ALG9: variants seen among roughly 807,000 people sequenced by gnomAD.
The protein encoded by ALG9 is ALG9 alpha-1,2-mannosyltransferase, also known as alpha-1,2-mannosyltransferase ALG9.
Under a neutral mutation model 81.8 loss-of-function variants are expected in ALG9, and 55 were observed. The ratio of observed to expected loss-of-function variants is 0.67; its 90% CI spans 0.54 to 0.84. The LOEUF (loss-of-function observed/expected upper bound fraction) is 0.84. ALG9 is among the 40% of genes least tolerant of loss of function. The pLI is 0.00. For synonymous variants in ALG9, 278 were observed against 274.3 expected (o/e 1.01, Z -0.13); for missense variants, 629 against 745.0 (o/e 0.84, Z 1.81).
chr11:111,791,193 G>T (rs1355186294), intron 14 of ALG9, among the ~76,000 whole-genome samples: 1 of 152,168 alleles, frequency 6.6e-6, no homozygotes, highest in Non-Finnish European at 1.5e-5. Flanking sequence ...TTGTGTGCTG[G>T]CTCTGAAGAT....
chr11:111,789,330 C>A (rs1947011062), intron 14 of ALG9, among the ~76,000 whole-genome samples: 1 of 151,884 alleles, frequency 6.6e-6, no homozygotes, highest in Non-Finnish European at 1.5e-5. Flanking sequence ...TAGTTCACTG[C>A]AGCCTTCACC....
At chr11:111,772,692 C>G in the ALG9 span, among the ~76,000 whole-genome samples, 1 of 152,180 alleles carries the variant, frequency 6.6e-6, no homozygotes. Flanking sequence ...CACTCAAATA[C>G]TATCCATTAA....
intron 9 of ALG9, among the ~76,000 whole-genome samples, 163 bp downstream of exon 9, chr11:111,844,438 G>C (rs1386748821): frequency 2.0e-5 from 3 of 152,186 alleles, no homozygotes; most frequent in African/African-American, 7.2e-5. Flanking sequence ...ATCTTCACAA[G>C]GGTTCAATGG....
At chr11:111,816,226 AAT>A (rs1232831309) in intron 13 of ALG9, among the ~76,000 whole-genome samples, 26 of 152,260 alleles carry the variant, frequency 1.7e-4, no homozygotes, top group Non-Finnish European at 2.9e-4. Context: ...GCAAAAAAGG[AAT>A]CTTCTAGGCA....
chr11:111,817,408 G>C (rs1555098596), intron 13 of ALG9: 1 of 152,206 alleles, frequency 6.6e-6, no homozygotes, highest in East Asian at 1.9e-4. Context: ...ACCCGGGCTG[G>C]AGTGTAGTAG....
intron 4 of ALG9, among the ~76,000 whole-genome samples, chr11:111,863,697 G>A (rs1275252850): frequency 6.6e-6 from 1 of 152,188 alleles, no homozygotes; most frequent in Non-Finnish European, 1.5e-5. Flanking sequence ...ACACTTAAAT[G>A]CTTAATAGTC....
chr11:111,796,941 C>T (rs782618320), intron 14 of ALG9, among the ~76,000 whole-genome samples: 3 of 152,172 alleles, frequency 2.0e-5, no homozygotes, highest in African/African-American at 4.8e-5. Context: ...ATTCTGCCAT[C>T]GGGTGGAGTC....
intron 6 of ALG9, 102 bp downstream of exon 6, chr11:111,857,500 T>A: frequency 6.7e-7 from 1 of 1,499,064 alleles, no homozygotes; most frequent in Non-Finnish European, 9.2e-7. Context: ...GAAAGCCCAA[T>A]TGATTAACTT....
intron 6 of ALG9, among the ~76,000 whole-genome samples, chr11:111,856,009 T>C (rs1958606046): frequency 6.6e-6 from 1 of 152,152 alleles, no homozygotes; most frequent in South Asian, 2.1e-4. Context: ...CCGGACACGA[T>C]GGCTCACACC....
At chr11:111,793,633 T>C (rs559404662) in intron 14 of ALG9, among the ~76,000 whole-genome samples, 232 of 151,790 alleles carry the variant, frequency 1.5e-3, no homozygotes, top group Non-Finnish European at 2.4e-3. Flanking sequence ...TGGTGGCGGG[T>C]GCCTGTAGTC....
intron 13 of ALG9, among the ~76,000 whole-genome samples, chr11:111,831,349 A>G (rs1443469807): frequency 6.6e-6 from 1 of 152,068 alleles, no homozygotes; most frequent in African/African-American, 2.4e-5. Flanking sequence ...CTAATTCTCC[A>G]TAGAGACAGG....
At chr11:111,863,991 T>C (rs1961337642) in intron 4 of ALG9, among the ~76,000 whole-genome samples, 1 of 152,172 alleles carries the variant, frequency 6.6e-6, no homozygotes, top group Admixed American at 6.5e-5. Context: ...AGTGTTCCCT[T>C]CAACTGTTGG....
At chr11:111,808,774 T>G (rs921597593) in intron 14 of ALG9, among the ~76,000 whole-genome samples, 2 of 152,140 alleles carry the variant, frequency 1.3e-5, no homozygotes. Context: ...TCTCCTTAAC[T>G]CCAACTGTCT....
At chr11:111,826,098 A>ATAATAATAATAATAATAATAT (rs1953223359) in intron 13 of ALG9, among the ~76,000 whole-genome samples, 1 of 147,910 alleles carries the variant, frequency 6.8e-6, no homozygotes, top group Non-Finnish European at 1.5e-5. Context: ...AATAATAATA[A>ATAATAATAATAATAATAATAT]TATGCGGCCA....
At chr11:111,798,208 GA>G in intron 14 of ALG9, 11 of 315,824 alleles carry the variant, frequency 3.5e-5, no homozygotes, top group South Asian at 7.7e-5. Context: ...GTCTTAAAAA[GA>G]AAAAAATAGA....
At chr11:111,807,233 C>T (rs1473392192) in intron 14 of ALG9, among the ~76,000 whole-genome samples, 3 of 152,150 alleles carry the variant, frequency 2.0e-5, no homozygotes, top group African/African-American at 7.2e-5. Flanking sequence ...TTTCAATAGC[C>T]TACAAAGCTC....
At chr11:111,830,617 A>C (rs1555112752) in intron 13 of ALG9, among the ~76,000 whole-genome samples, 1 of 152,210 alleles carries the variant, frequency 6.6e-6, no homozygotes, top group East Asian at 1.9e-4. Flanking sequence ...ATATTACAGC[A>C]ATTTGAATCT....
intron 14 of ALG9, among the ~76,000 whole-genome samples, chr11:111,793,760 CAA>C (rs35166603): frequency 2.2e-4 from 12 of 53,844 alleles, no homozygotes; most frequent in Non-Finnish European, 3.0e-4. Flanking sequence ...GAGTCCAGCT[CAA>C]AAAAAAAAAA....
At chr11:111,787,424 C>A (rs1274122983) in intron 14 of ALG9, among the ~76,000 whole-genome samples, 1 of 151,984 alleles carries the variant, frequency 6.6e-6, no homozygotes, top group African/African-American at 2.4e-5. Flanking sequence ...CAGAGCGAGA[C>A]CCTATCTCAA....
Sources: allele counts gnomAD v4.1 joint callset (sites outside exome capture counted in the v4.1 genomes callset), GRCh38; gene constraint gnomAD v4.1.1; transcripts MANE v1.5; gene names NCBI Gene and HGNC (gene_info 2026-07-23, HGNC 2026-07-21).